CRPPA: variants seen among roughly 807,000 people sequenced by gnomAD.
The protein encoded by CRPPA is D-ribitol-5-phosphate cytidylyltransferase.
Under a neutral mutation model 52.0 loss-of-function variants are expected in CRPPA, and 43 were observed. That is an observed-to-expected ratio of 0.83 (90% CI 0.65 to 1.07). CRPPA has a LOEUF of 1.07. Among genes scored for constraint, CRPPA ranks in the 50% least tolerant of loss-of-function variants. CRPPA has a pLI of 0.00. For synonymous variants in CRPPA, 250 were observed against 203.5 expected, an observed-to-expected ratio of 1.23 and a Z score of -1.94; for missense variants, 629 against 551.7, an observed-to-expected ratio of 1.14 and a Z score of -1.40.
chr7:16,133,253 G>A (rs2128373396), intron 9 of CRPPA, among the ~76,000 whole-genome samples: 1 of 122,144 alleles, frequency 8.2e-6, no homozygotes, highest in African/African-American at 2.6e-5. Context: ...GGAGGTGGAG[G>A]TTGCAGTGAG....
intron 8 of CRPPA, among the ~76,000 whole-genome samples, chr7:16,216,823 C>G (rs373077724): frequency 6.6e-6 from 1 of 150,964 alleles, no homozygotes; most frequent in African/African-American, 2.4e-5. Context: ...GCTAGCACAG[C>G]AGTCTGAGAT....
intron 6 of CRPPA, among the ~76,000 whole-genome samples, chr7:16,264,395 T>C (rs1400124665): frequency 1.3e-5 from 2 of 152,170 alleles, no homozygotes; most frequent in African/African-American, 4.8e-5. Flanking sequence ...AATCAAACTT[T>C]CCTTACATCA....
intron 3 of CRPPA, among the ~76,000 whole-genome samples, chr7:16,355,115 G>GT (rs1339218543): frequency 6.6e-6 from 1 of 152,078 alleles, no homozygotes; most frequent in African/African-American, 2.4e-5. Context: ...TGTCCATGTC[G>GT]TAAGAATCAA....
At chr7:16,238,966 C>T (rs977174776) in intron 8 of CRPPA, among the ~76,000 whole-genome samples, 2 of 151,752 alleles carry the variant, frequency 1.3e-5, no homozygotes, top group African/African-American at 4.8e-5. Flanking sequence ...GGTGAAACCC[C>T]GTCTCTACTA....
At chr7:16,302,334 A>C (rs1330869786) in intron 4 of CRPPA, among the ~76,000 whole-genome samples, 1 of 145,960 alleles carries the variant, frequency 6.9e-6, no homozygotes, top group African/African-American at 2.6e-5. Context: ...CAACCTCCTC[A>C]TAATTGTAAT....
intron 8 of CRPPA, among the ~76,000 whole-genome samples, chr7:16,250,709 G>A (rs532065047): frequency 6.6e-6 from 1 of 152,238 alleles, no homozygotes; most frequent in African/African-American, 2.4e-5. Flanking sequence ...TGCCTTACAA[G>A]AGCTCCTGAA....
At chr7:16,202,755 T>C (rs1042377550) in intron 9 of CRPPA, among the ~76,000 whole-genome samples, 1 of 152,264 alleles carries the variant, frequency 6.6e-6, no homozygotes, top group South Asian at 2.1e-4. Context: ...AAGCTAAGCA[T>C]TATGATGAAA....
intron 4 of CRPPA, among the ~76,000 whole-genome samples, chr7:16,302,156 C>G (rs1012767693): frequency 6.6e-6 from 1 of 151,904 alleles, no homozygotes; most frequent in Non-Finnish European, 1.5e-5. Flanking sequence ...ATTAGCCAGG[C>G]GCGGTGGCGG....
rs150671093 is a variant in CRPPA, at chr7:16,283,725, C to A, written c.836-5499G>T. Among the ~76,000 whole-genome samples the A allele has an allele frequency of 1.4e-3, 211 of 151,870 alleles. 2 individuals carry two copies. Among genetic ancestry groups the A allele is most frequent in the South Asian group, 0.012 (58 of 4,818 alleles). ...GAGCTGCATTCAGTCGCCCATTGCA[C>A]AGAGACTTTGATATTTCTGATATAA... On this transcript the variant is annotated intron_variant, in intron 5 of 9. Transcript: ENST00000407010.
intron 9 of CRPPA, among the ~76,000 whole-genome samples, chr7:16,107,025 G>A (rs183784022): frequency 6.6e-6 from 1 of 152,152 alleles, no homozygotes; most frequent in Non-Finnish European, 1.5e-5. Flanking sequence ...ACTCAATTAA[G>A]CAGAAGAATC....
intron 5 of CRPPA, among the ~76,000 whole-genome samples, chr7:16,296,111 A>G (rs1274251599): frequency 6.6e-6 from 1 of 152,172 alleles, no homozygotes; most frequent in Admixed American, 6.6e-5. Flanking sequence ...ACCACTTTCT[A>G]TACATGTTTC....
chr7:16,242,687 T>C (rs1783153042), intron 8 of CRPPA, among the ~76,000 whole-genome samples: 1 of 152,200 alleles, frequency 6.6e-6, no homozygotes, highest in African/African-American at 2.4e-5. Flanking sequence ...AAGAAAGTGC[T>C]GGTTTGTAGC....
At chr7:16,126,478 C>T (rs1469505144) in intron 9 of CRPPA, among the ~76,000 whole-genome samples, 1 of 151,894 alleles carries the variant, frequency 6.6e-6, no homozygotes, top group African/African-American at 2.4e-5. Context: ...TATAAAAGGC[C>T]AATACCATGA....
At chr7:16,408,467 C>T (rs1788006746) in intron 1 of CRPPA, among the ~76,000 whole-genome samples, 1 of 152,150 alleles carries the variant, frequency 6.6e-6, no homozygotes, top group Non-Finnish European at 1.5e-5. Flanking sequence ...AAGGAGAAGG[C>T]CCCATGCAGA....
chr7:16,400,167 G>A (rs1378256878), intron 2 of CRPPA, among the ~76,000 whole-genome samples: 1 of 151,984 alleles, frequency 6.6e-6, no homozygotes, highest in Non-Finnish European at 1.5e-5. Context: ...TTGACGTGAT[G>A]ACACGTTTGT....
chr7:16,227,402 T>A (rs1372913761), intron 8 of CRPPA, among the ~76,000 whole-genome samples: 1 of 151,884 alleles, frequency 6.6e-6, no homozygotes, highest in East Asian at 1.9e-4. Context: ...TCAACACTTA[T>A]CTTTGTCCTT....
intron 3 of CRPPA, among the ~76,000 whole-genome samples, chr7:16,345,953 A>T (rs572657846): frequency 1.3e-5 from 2 of 152,312 alleles, no homozygotes; most frequent in South Asian, 4.1e-4. Flanking sequence ...TTATAAAAAC[A>T]TTATTTCTCA....
At chr7:16,188,870 G>A (rs1781554399) in intron 9 of CRPPA, among the ~76,000 whole-genome samples, 1 of 152,120 alleles carries the variant, frequency 6.6e-6, no homozygotes, top group Non-Finnish European at 1.5e-5. Flanking sequence ...TAACTGACTA[G>A]TATACAGCAG....
intron 3 of CRPPA, among the ~76,000 whole-genome samples, chr7:16,368,998 A>G (rs922227136): frequency 6.6e-6 from 1 of 152,228 alleles, no homozygotes; most frequent in South Asian, 2.1e-4. Context: ...CATGAAATTC[A>G]TCCAGCAATA....
Sources: allele counts gnomAD v4.1 joint callset (sites outside exome capture counted in the v4.1 genomes callset), GRCh38; gene constraint gnomAD v4.1.1; transcripts MANE v1.5; gene names NCBI Gene and HGNC (gene_info 2026-07-23, HGNC 2026-07-21).